The following AGO3 variants were observed in gnomAD, a reference collection of about 807,000 sequenced individuals.
AGO3 encodes argonaute RISC catalytic component 3, also known as protein argonaute-3.
Under a neutral mutation model 105.5 loss-of-function variants are expected in AGO3, and 16 were observed. The ratio of observed to expected loss-of-function variants is 0.15; its 90% confidence interval spans 0.10 to 0.23. The LOEUF is 0.23. AGO3 is among the 10% of genes least tolerant of loss of function. AGO3 has a pLI of 1.00. For synonymous variants in AGO3, 340 were observed against 367.3 expected (o/e 0.93, Z 0.85); for missense variants, 534 against 1,088.0 (o/e 0.49, Z 7.16).
intron 1 of AGO3, among the ~76,000 whole-genome samples, chr1:35,941,939 TG>T (rs541151470): frequency 1.3e-5 from 2 of 152,244 alleles, no homozygotes; most frequent in Non-Finnish European, 2.9e-5. Flanking sequence ...TTTTCTAAGT[TG>T]ATCTTGACAA....
Position 36,054,926 on chromosome 1 carries a change from T to C in AGO3, c.2275-20T>C. On this transcript the variant is annotated intron_variant, in intron 17 of 18. Coordinates refer to ENST00000373191, the MANE Select transcript of AGO3 (RefSeq NM_024852.4). The stretch of plus-strand genomic sequence containing the variant: ...AAAGAGTTCAAAATTCAACAGTGTA[T>C]GTCATTGCCTTCTCTATAGGGTACC... 2 of 1,609,162 alleles carry C rather than the reference T, an allele frequency of 1.2e-6. No individual in the cohort carries two copies. Among genetic ancestry groups the C allele is most frequent in the Middle Eastern group, 1.7e-4 (1 of 5,998 alleles).
chr1:36,013,601 G>C (rs747508219), intron 9 of AGO3, 29 bp from the exon 10 acceptor site: 1 of 1,610,878 alleles, frequency 6.2e-7, no homozygotes, highest in Non-Finnish European at 8.5e-7. Context: ...GGAATTTTGA[G>C]AGTAACTACA....
chr1:35,987,765 T>G lies in AGO3; in HGVS notation c.658+14254T>G, dbSNP rs1404975445. On this transcript the variant is annotated intron_variant, in intron 5 of 18. Transcript: ENST00000373191. ...TTGGGAGGCAAAAAAATAAGATTGA[T>G]TAAAAAAAAAAAAAGACCTATGGGC... Among the ~76,000 whole-genome samples the G allele has an allele frequency of 3.4e-5, 5 of 149,186 alleles. No individual in the cohort carries two copies. The East Asian group carries it at 9.8e-4, about 29-fold the overall frequency.
intron 9 of AGO3, among the ~76,000 whole-genome samples, chr1:36,010,904 C>CA (rs759368411): frequency 0.026 from 839 of 32,584 alleles, 2 homozygotes; most frequent in South Asian, 0.044. Context: ...GAAACTCTGT[C>CA]AAAAAAAAAA....
intron 17 of AGO3, among the ~76,000 whole-genome samples, chr1:36,046,556 G>A (rs115499761): frequency 0.016 from 2,226 of 135,302 alleles, 49 homozygotes; most frequent in African/African-American, 0.057. Flanking sequence ...TTAGTTGGAC[G>A]TCATGGCGCG....
At chr1:35,986,312 G>A (rs754880448) in intron 5 of AGO3, among the ~76,000 whole-genome samples, 24 of 152,318 alleles carry the variant, frequency 1.6e-4, no homozygotes, top group East Asian at 3.9e-4. Context: ...TAAACAGCAC[G>A]TAAATAGTTA....
chr1:35,960,227 A>T (rs1388915766), intron 2 of AGO3, among the ~76,000 whole-genome samples: 2 of 152,136 alleles, frequency 1.3e-5, no homozygotes, highest in South Asian at 2.1e-4. Context: ...CTCTAGCTCC[A>T]CATGCCTACC....
Position 35,938,474 on chromosome 1 carries a change from TTG to T in AGO3, c.19+7031_19+7032del, listed in dbSNP as rs529436363. On this transcript the variant is annotated intron_variant, in intron 1 of 18. Coordinates refer to ENST00000373191, the MANE Select transcript of AGO3 (RefSeq NM_024852.4). ...TCTGTCCATATATTTATCATACGAA[TTG>T]TTTCTAACCTTCTTTTTCCACTTAG... Among the ~76,000 whole-genome samples the T allele has an allele frequency of 9.7e-4, 148 of 152,316 alleles. 1 individual carries two copies. The highest frequency in any genetic ancestry group is 3.4e-3 in the African/African-American group (143 of 41,584).
chr1:36,007,567 G>A (rs1174904078), intron 6 of AGO3, among the ~76,000 whole-genome samples: 1 of 151,844 alleles, frequency 6.6e-6, no homozygotes, highest in Non-Finnish European at 1.5e-5. Context: ...CATAGTGGCG[G>A]GTACTGTAAT....
At chr1:36,037,129 A>G (rs1005031049) in intron 14 of AGO3, among the ~76,000 whole-genome samples, 3 of 152,078 alleles carry the variant, frequency 2.0e-5, no homozygotes, top group Admixed American at 6.6e-5. Flanking sequence ...ATAATATTTT[A>G]CCTATTTTGA....
intron 5 of AGO3, among the ~76,000 whole-genome samples, chr1:35,998,130 A>C (rs1332381382): frequency 6.6e-6 from 1 of 152,130 alleles, no homozygotes; most frequent in Non-Finnish European, 1.5e-5. Context: ...ACATTAGTCT[A>C]TTTTGGTAAA....
chr1:36,012,322 CAA>C (rs11391066), intron 9 of AGO3, among the ~76,000 whole-genome samples: 37 of 90,652 alleles, frequency 4.1e-4, no homozygotes, highest in Admixed American at 6.5e-4. Context: ...GACCCTGTCT[CAA>C]AAAAAAAAAA....
At chr1:35,930,919 C>T (rs1028918145), upstream of AGO3, 5 of 273,314 alleles carry the variant, frequency 1.8e-5, no homozygotes, top group Non-Finnish European at 2.7e-5. Flanking sequence ...CGGCACGGCC[C>T]GGCGGGGTAC....
At chr1:35,971,931 A>G (rs1304473803) in intron 3 of AGO3, 93 bp from the exon 4 acceptor site, 6 of 1,228,634 alleles carry the variant, frequency 4.9e-6, no homozygotes, top group Non-Finnish European at 5.7e-6. Flanking sequence ...TATTTTTGCC[A>G]TGTTTTCTCT....
At chr1:35,992,918 A>G (rs2148796022) in intron 5 of AGO3, among the ~76,000 whole-genome samples, 1 of 152,252 alleles carries the variant, frequency 6.6e-6, no homozygotes, top group Middle Eastern at 3.4e-3. Flanking sequence ...TTAATTGGTA[A>G]CAACTTAGTT....
At chr1:35,996,939 A>G (rs532105480) in intron 5 of AGO3, among the ~76,000 whole-genome samples, 2 of 152,170 alleles carry the variant, frequency 1.3e-5, no homozygotes, top group South Asian at 2.1e-4. Flanking sequence ...AAAGATTTGG[A>G]GCAACTAGAA....
At chr1:36,018,717 C>T (rs374360875) in intron 11 of AGO3, among the ~76,000 whole-genome samples, 1 of 152,190 alleles carries the variant, frequency 6.6e-6, no homozygotes, top group Non-Finnish European at 1.5e-5. Flanking sequence ...AGGCATGAGC[C>T]ACCACACCTG....
At position 36,027,435 on chromosome 1, in the gene AGO3, A is replaced by G; in HGVS notation, c.1591+137A>G. 1.2e-6 allele frequency: 1 copy of G among 869,218 alleles called. No homozygotes were observed. The allele number at this position is 869,218 out of a possible 1,614,324, so 53.8% of individuals were successfully genotyped here. A position where few individuals can be genotyped will look rare whatever the true frequency, so the allele number is the denominator to read the frequency against. ...ATTTAAAACCATGTATTATTACTTGAAGACAAATTAATATAGCAAACTAAA... is the reference window on the plus strand; with the variant it reads ...ATTTAAAACCATGTATTATTACTTGGAGACAAATTAATATAGCAAACTAAA... On this transcript the variant is annotated intron_variant, in intron 12 of 18. Coordinates refer to ENST00000373191, the MANE Select transcript of AGO3 (RefSeq NM_024852.4). The surrounding 1 kb of genome is among the most constrained non-coding windows in gnomAD (Gnocchi z 4.0).
At chr1:36,006,807 A>G (rs1358049927) in intron 6 of AGO3, among the ~76,000 whole-genome samples, 1 of 152,222 alleles carries the variant, frequency 6.6e-6, no homozygotes, top group East Asian at 1.9e-4. Flanking sequence ...CCAATCTGGT[A>G]CAGGGATGGA....
Sources: gnomAD v4.1 joint callset for allele counts (sites outside exome capture counted in the v4.1 genomes callset) on GRCh38, gnomAD v4.1.1 for gene constraint, Gnocchi (gnomAD v3.1) non-coding constraint, MANE v1.5 for transcripts, NCBI Gene and HGNC (gene_info 2026-07-23, HGNC 2026-07-21) for gene names.